Variants in SPECC1 observed in about 807,000 individuals in gnomAD.
SPECC1 encodes sperm antigen with calponin homology and coiled-coil domains 1.
A neutral mutation model predicts 104.1 loss-of-function variants in SPECC1; 62 were observed. The observed-to-expected ratio is 0.60, with a 90% CI of 0.49 to 0.74. The LOEUF is 0.74. Ranked by LOEUF, SPECC1 falls within the 30% of genes least tolerant of loss-of-function variation. The pLI, the probability that SPECC1 is intolerant of heterozygous loss-of-function variation, is 0.00. For synonymous variants in SPECC1, 513 were observed against 501.6 expected (o/e 1.02, Z -0.30); for missense variants, 1,306 against 1,310.5 (o/e 1.00, Z 0.05).
At chr17:20,080,209 T>C (rs1298469845) in intron 1 of SPECC1, among the ~76,000 whole-genome samples, 2 of 152,170 alleles carry the variant, frequency 1.3e-5, no homozygotes, top group African/African-American at 4.8e-5. Flanking sequence ...CTAGAAGGCA[T>C]GCATGGGGTT....
intron 3 of SPECC1, chr17:20,156,191 C>T: frequency 2.1e-6 from 3 of 1,447,340 alleles, no homozygotes; most frequent in South Asian, 2.9e-5. Flanking sequence ...CCCGAGTCGG[C>T]CAAGCATGGG....
intron 11 of SPECC1, among the ~76,000 whole-genome samples, chr17:20,259,816 A>G (rs2039962429): frequency 6.6e-6 from 1 of 152,090 alleles, no homozygotes; most frequent in Non-Finnish European, 1.5e-5. Context: ...CAGCCAATCT[A>G]CCTTTTACAT....
At chr17:20,182,185 T>A (rs955827576) in intron 3 of SPECC1, among the ~76,000 whole-genome samples, 1 of 147,032 alleles carries the variant, frequency 6.8e-6, no homozygotes, top group African/African-American at 2.6e-5. Context: ...ATGAACTTGG[T>A]TCACTGGAGC....
Position 20,318,315 on chromosome 17 carries a change from C to T in SPECC1, c.*4250C>T. 4.3e-6 allele frequency: 1 copy of T among 232,486 alleles called. No homozygotes were observed. 14.4% of individuals were successfully genotyped at this position (232,486 alleles called of 1,614,324 possible). On this transcript the variant is annotated 3_prime_UTR_variant, in exon 15 of 15. Coordinates refer to ENST00000395527, the MANE Select transcript of SPECC1 (RefSeq NM_001243439.2). ...GCCCCCGCCCTGCGGGGATAACATTCTCAGGAGCTTCTCTTGTCCTAGCCC... is the reference window on the plus strand; with the variant it reads ...GCCCCCGCCCTGCGGGGATAACATTTTCAGGAGCTTCTCTTGTCCTAGCCC...
intron 1 of SPECC1, among the ~76,000 whole-genome samples, chr17:20,015,317 CAG>C (rs2044076916): frequency 6.9e-6 from 1 of 145,480 alleles, no homozygotes; most frequent in Non-Finnish European, 1.5e-5. Context: ...TTTTTTGAGA[CAG>C]AGTATTGCTG....
chr17:20,027,430 A>G (rs934183632), intron 1 of SPECC1, among the ~76,000 whole-genome samples: 1 of 152,058 alleles, frequency 6.6e-6, no homozygotes, highest in Non-Finnish European at 1.5e-5. Flanking sequence ...TTAGTTTAAT[A>G]AAGTGCTATT....
intron 10 of SPECC1, among the ~76,000 whole-genome samples, chr17:20,254,026 GA>G (rs906052757): frequency 6.6e-6 from 1 of 151,866 alleles, no homozygotes; most frequent in Admixed American, 6.6e-5. Context: ...GTAACTAAGG[GA>G]AAAAATCTTA....
chr17:20,162,960 G>A (rs778726153), intron 3 of SPECC1, among the ~76,000 whole-genome samples: 7 of 152,174 alleles, frequency 4.6e-5, no homozygotes, highest in East Asian at 1.9e-4. Flanking sequence ...CCTGGGAGGC[G>A]GAGGTTGCGG....
intron 1 of SPECC1, among the ~76,000 whole-genome samples, chr17:20,086,376 C>T (rs2047177075): frequency 1.3e-5 from 2 of 152,296 alleles, no homozygotes; most frequent in Non-Finnish European, 1.5e-5. Context: ...GACAGACTGC[C>T]AGGGACCCTC....
chr17:20,042,050 A>C (rs2045352146), intron 1 of SPECC1, among the ~76,000 whole-genome samples: 1 of 152,196 alleles, frequency 6.6e-6, no homozygotes, highest in South Asian at 2.1e-4. Context: ...GACTCTTGGT[A>C]TAAATGATCC....
chr17:20,116,745 T>C (rs539901353), intron 3 of SPECC1, among the ~76,000 whole-genome samples: 1 of 144,982 alleles, frequency 6.9e-6, no homozygotes, highest in East Asian at 2.0e-4. Context: ...TTGTTCTCAA[T>C]GGGGGACGAT....
At position 20,316,962 on chromosome 17, in the gene SPECC1, G is replaced by T. The variant is rs1433259263; in HGVS notation, c.*2897G>T. ...TGGCCAAACTCCCCCATTTTTGTCT[G>T]TATCCTGCTCTCTTTAGGTTAAAAA... is the stretch of plus-strand genomic sequence containing the variant. On this transcript the variant is annotated 3_prime_UTR_variant, in exon 15 of 15. Transcript: ENST00000395527. 1 of 214,476 alleles carries T rather than the reference G, an allele frequency of 4.7e-6. No individual in the cohort carries two copies. The highest frequency in any genetic ancestry group is 9.4e-6 in the Non-Finnish European group (1 of 106,318). 13.3% of individuals were successfully genotyped at this position (214,476 alleles called of 1,614,324 possible).
rs541263046 is a variant in SPECC1, at chr17:20,048,259, A to G, written c.-22+38835A>G. Among the ~76,000 whole-genome samples the G allele has an allele frequency of 3.4e-3, 504 of 150,060 alleles. 3 individuals are homozygous for G. The highest frequency in any genetic ancestry group is 0.012 in the African/African-American group (473 of 40,760). ...CGCCATTCTCCTGCCTCAGCTTCCC[A>G]AGTAGCTGGGACTACAGGCACCTGC... On this transcript the variant is annotated intron_variant, in intron 1 of 14. Transcript: ENST00000395527.
chr17:20,121,737 G>T (rs2049043005), intron 3 of SPECC1, among the ~76,000 whole-genome samples: 1 of 152,064 alleles, frequency 6.6e-6, no homozygotes, highest in Non-Finnish European at 1.5e-5. Context: ...TTGTGTGCAG[G>T]GTCCTCCCTG....
At chr17:20,238,831 G>A in intron 7 of SPECC1, 1 of 1,045,440 alleles carries the variant, frequency 9.6e-7, no homozygotes, top group Non-Finnish European at 1.2e-6. Context: ...GTTAGGTACT[G>A]TTGAATATTT....
chr17:20,148,543 G>A (rs199636435), intron 3 of SPECC1, among the ~76,000 whole-genome samples: 88 of 136,080 alleles, frequency 6.5e-4, no homozygotes, highest in East Asian at 6.9e-4. Context: ...ATGTGCACTA[G>A]AAAAAAAAAA....
At position 20,314,206 on chromosome 17, in the gene SPECC1, A is replaced by G; in HGVS notation, c.*141A>G. The G allele has an allele frequency of 2.9e-6, 2 of 693,296 alleles. No individual in the cohort carries two copies. The highest frequency in any genetic ancestry group is 5.1e-6 in the Non-Finnish European group (2 of 395,974). The allele number at this position is 693,296 out of a possible 1,614,324, so 42.9% of individuals were successfully genotyped here. On this transcript the variant is annotated 3_prime_UTR_variant, in exon 15 of 15. Coordinates refer to ENST00000395527, the MANE Select transcript of SPECC1 (RefSeq NM_001243439.2). ...ACAGGCTCAATCCAAGTGGACCAAC[A>G]CCCAAATAAGAAACAGAGTGGGTCC...
chr17:20,195,671 C>T (rs1337815686), intron 3 of SPECC1, among the ~76,000 whole-genome samples: 3 of 152,026 alleles, frequency 2.0e-5, no homozygotes, highest in Non-Finnish European at 4.4e-5. Flanking sequence ...AGTTCTCCTG[C>T]CTCAACATCC....
chr17:20,300,184 G>A (rs994564025), intron 13 of SPECC1, among the ~76,000 whole-genome samples: 3 of 152,292 alleles, frequency 2.0e-5, no homozygotes, highest in East Asian at 3.9e-4. Context: ...AGGGAGGACC[G>A]AGGAACACAC....
Sources: allele counts gnomAD v4.1 joint callset (sites outside exome capture counted in the v4.1 genomes callset), GRCh38; gene constraint gnomAD v4.1.1; transcripts MANE v1.5; gene names NCBI Gene and HGNC (gene_info 2026-07-23, HGNC 2026-07-21).